Variants in ZNF131 observed in about 807,000 individuals in gnomAD.
The protein encoded by ZNF131 is zinc finger protein 131.
ZNF131 carries 7 observed loss-of-function variants against 60.0 expected under a neutral mutation model. The observed-to-expected ratio is 0.12, with a 90% CI of 0.07 to 0.22. ZNF131 has a LOEUF of 0.22. Ranked by LOEUF, ZNF131 falls within the 10% of genes least tolerant of loss-of-function variation. The probability of loss-of-function intolerance (pLI) is 1.00; values close to 1 mark genes in which losing one functional copy is unlikely to be tolerated. For synonymous variants in ZNF131, 257 were observed against 253.2 expected (o/e 1.01, Z -0.14); for missense variants, 493 against 740.9 (o/e 0.67, Z 3.88).
chr5:43,170,983 C>T (rs1750919945), intron 5 of ZNF131, among the ~76,000 whole-genome samples: 2 of 150,998 alleles, frequency 1.3e-5, no homozygotes, highest in Non-Finnish European at 2.9e-5. Context: ...CTCGCTCTGT[C>T]GCCCAGGCTG....
intron 5 of ZNF131, among the ~76,000 whole-genome samples, chr5:43,169,723 T>A (rs1004442988): frequency 6.6e-6 from 1 of 152,300 alleles, no homozygotes. Context: ...CTTGTACATA[T>A]GCCTTTTCAT....
chr5:43,159,091 C>G (rs566917691), intron 4 of ZNF131, among the ~76,000 whole-genome samples: 18 of 152,008 alleles, frequency 1.2e-4, no homozygotes, highest in South Asian at 2.1e-4. Flanking sequence ...ATAGAGTGGC[C>G]CAGGTGAATG....
At chr5:43,164,490 A>G (rs1164385837) in intron 5 of ZNF131, among the ~76,000 whole-genome samples, 3 of 152,250 alleles carry the variant, frequency 2.0e-5, no homozygotes, top group Admixed American at 6.5e-5. Context: ...CACAATAAAC[A>G]AACATTGGTA....
chr5:43,145,941 A>G (rs556914696), intron 4 of ZNF131, among the ~76,000 whole-genome samples: 2 of 152,302 alleles, frequency 1.3e-5, no homozygotes, highest in South Asian at 4.1e-4. Flanking sequence ...TTAAGCGGAA[A>G]GTTATGGTAG....
In ZNF131 at chr5:43,168,902, C is replaced by A. The variant is rs149963921; in HGVS notation, c.1055-4416C>A. On this transcript the variant is annotated intron_variant, in intron 5 of 6. Coordinates refer to ENST00000682664, the MANE Select transcript of ZNF131 (RefSeq NM_001330707.2). The stretch of plus-strand genomic sequence containing the variant: ...ACTCCCAGCTTTCTGATGTAGATGG[C>A]TGTTTGATTGGAGGCTAATTAACTT... 1.8e-4 allele frequency among the ~76,000 whole-genome samples: 28 copies of A among 152,198 alleles called. No individual in the cohort carries two copies. In the East Asian group the frequency reaches 4.8e-3, roughly 26 times the overall value.
intron 5 of ZNF131, among the ~76,000 whole-genome samples, chr5:43,162,611 G>GA (rs1433448513): frequency 1.1e-5 from 1 of 94,716 alleles, no homozygotes; most frequent in Admixed American, 1.2e-4. Flanking sequence ...AAAAAGAAAA[G>GA]AAAAAAAAGC....
At chr5:43,130,280 AAAG>A (rs1161923863) in intron 3 of ZNF131, among the ~76,000 whole-genome samples, 1 of 149,586 alleles carries the variant, frequency 6.7e-6, no homozygotes, top group African/African-American at 2.4e-5. Flanking sequence ...AAAAAAAAAA[AAAG>A]AGGAAAGTAG....
intron 4 of ZNF131, among the ~76,000 whole-genome samples, chr5:43,151,579 C>T (rs1463173207): frequency 6.6e-6 from 1 of 152,116 alleles, no homozygotes; most frequent in African/African-American, 2.4e-5. Context: ...GGATTACAGG[C>T]ACCTGCCACC....
chr5:43,143,898 CTTTTTTTTTTTTTTTTTTTTTTTT>C (rs79246574), intron 4 of ZNF131, among the ~76,000 whole-genome samples: 251 of 34,996 alleles, frequency 7.2e-3, no homozygotes, highest in African/African-American at 0.024. Context: ...ATTGTCAGAG[CTTTTTTTTTTTTTTTTTTTTTTTT>C]TTTTTTTTTT....
intron 5 of ZNF131, among the ~76,000 whole-genome samples, chr5:43,166,689 T>C (rs1001606904): frequency 3.3e-5 from 5 of 151,116 alleles, no homozygotes; most frequent in African/African-American, 9.8e-5. Context: ...GGGGTCTCGC[T>C]CTGTCGCCCA....
chr5:43,145,171 C>T (rs1301210846), intron 4 of ZNF131, among the ~76,000 whole-genome samples: 4 of 151,964 alleles, frequency 2.6e-5, no homozygotes, highest in Admixed American at 6.6e-5. Flanking sequence ...ATGTCCATTC[C>T]GTCATAAGCC....
chr5:43,129,443 C>T (rs1428890148), intron 3 of ZNF131, among the ~76,000 whole-genome samples: 1 of 152,044 alleles, frequency 6.6e-6, no homozygotes, highest in Non-Finnish European at 1.5e-5. Flanking sequence ...GTCCACAATT[C>T]CTTATTCAAA....
chr5:43,141,050 T>G (rs1224215850), intron 4 of ZNF131, among the ~76,000 whole-genome samples: 2 of 152,110 alleles, frequency 1.3e-5, no homozygotes, highest in Non-Finnish European at 2.9e-5. Context: ...AGATAAAAAT[T>G]TAGATAACTC....
At position 43,123,325 on chromosome 5, in the gene ZNF131, T is replaced by C; in HGVS notation, c.226+15T>C. ...GGAGATAGAAGGTAAATGATTCTTG[T>C]TGTTTTTTTATTTAATAAATCAAAG... On this transcript the variant is annotated intron_variant, in intron 3 of 6. Transcript: ENST00000682664. 1.3e-6 allele frequency: 2 copies of C among 1,572,990 alleles called. No individual in the cohort carries two copies. Among genetic ancestry groups the C allele is most frequent in the South Asian group, 1.2e-5 (1 of 85,046 alleles).
chr5:43,127,759 C>G (rs16873170), intron 3 of ZNF131, among the ~76,000 whole-genome samples: 9,576 of 152,268 alleles, frequency 0.063, 610 homozygotes, highest in African/African-American at 0.17. Context: ...GATCCCAGCT[C>G]AGCTTTGTGG....
At chr5:43,149,252 CAGAG>C (rs1748000745) in intron 4 of ZNF131, among the ~76,000 whole-genome samples, 2 of 147,302 alleles carry the variant, frequency 1.4e-5, no homozygotes, top group East Asian at 2.0e-4. Flanking sequence ...GCCTGGGAGA[CAGAG>C]GGAGAAAAAA....
At chr5:43,137,014 A>G (rs1012239925) in intron 3 of ZNF131, among the ~76,000 whole-genome samples, 1 of 152,192 alleles carries the variant, frequency 6.6e-6, no homozygotes, top group African/African-American at 2.4e-5. Context: ...TTCACATGAA[A>G]AAAGATGAAA....
rs1339614144 is a variant in ZNF131, at chr5:43,155,198, A to C, written c.372-6051A>C. Among the ~76,000 whole-genome samples the C allele has an allele frequency of 2.6e-5, 4 of 152,162 alleles. No individual in the cohort carries two copies. The East Asian group carries it at 5.8e-4, about 22-fold the overall frequency. ...TTTTTCATGATGGCTGAGGGGGCCC[A>C]CTACTTTCTTAAGTATACCATTTCT... On this transcript the variant is annotated intron_variant, in intron 4 of 6. Transcript: ENST00000682664.
At chr5:43,147,321 C>T (rs1349255030) in intron 4 of ZNF131, among the ~76,000 whole-genome samples, 1 of 152,054 alleles carries the variant, frequency 6.6e-6, no homozygotes. Context: ...TAAACATCTA[C>T]AAGTGGAATA....
Sources: gnomAD v4.1 joint callset for allele counts (sites outside exome capture counted in the v4.1 genomes callset) on GRCh38, gnomAD v4.1.1 for gene constraint, MANE v1.5 for transcripts, NCBI Gene and HGNC (gene_info 2026-07-23, HGNC 2026-07-21) for gene names.